ATF6: variants seen among roughly 807,000 people sequenced by gnomAD.
The protein encoded by ATF6 is cyclic AMP-dependent transcription factor ATF-6 alpha.
In ATF6, 53 loss-of-function variants were observed where a neutral mutation model predicts 83.6. The observed-to-expected ratio is 0.63, with a 90% CI of 0.51 to 0.80. The LOEUF is 0.80. Ranked by LOEUF, ATF6 falls within the 30% of genes least tolerant of loss-of-function variation. The probability of loss-of-function intolerance (pLI) is 0.00; values close to 1 mark genes in which losing one functional copy is unlikely to be tolerated. For synonymous variants in ATF6, 288 were observed against 285.8 expected (o/e 1.01, Z -0.08); for missense variants, 744 against 797.9 (o/e 0.93, Z 0.81).
At chr1:161,862,300 G>A (rs1265556461) in intron 13 of ATF6, among the ~76,000 whole-genome samples, 1 of 152,150 alleles carries the variant, frequency 6.6e-6, no homozygotes, top group African/African-American at 2.4e-5. Flanking sequence ...ATTTAGGTCA[G>A]TCTTTTTCTC....
chr1:161,821,101 G>T lies in ATF6; in HGVS notation c.1127G>T (p.Arg376Leu), dbSNP rs754973294. The change falls in exon 9 of 16, where the codon CGA (arginine) becomes CTA (leucine). Residue 376 changes from arginine (R) to leucine (L), a missense_variant. Coordinates refer to ENST00000367942, the MANE Select transcript of ATF6 (RefSeq NM_007348.4). Reference sequence around the variant, plus strand: ...AGGCTTAAAGTCCCTAGTCCAAAGCGAAGAGTTGTCTGTGTGATGATAGTA... The same window carrying T: ...AGGCTTAAAGTCCCTAGTCCAAAGCTAAGAGTTGTCTGTGTGATGATAGTA... ...NQRLKVPSPK[R>L]RVVCVMIVLA... 2 of 1,612,944 alleles carry T rather than the reference G, an allele frequency of 1.2e-6. No individual in the cohort carries two copies. The highest frequency in any genetic ancestry group is 1.7e-6 in the Non-Finnish European group (2 of 1,179,424).
chr1:161,875,491 A>G (rs1382043688), intron 14 of ATF6, among the ~76,000 whole-genome samples: 1 of 151,836 alleles, frequency 6.6e-6, no homozygotes, highest in African/African-American at 2.4e-5. Flanking sequence ...ATTCTTTAAT[A>G]CTATCACAAA....
chr1:161,806,399 TG>T (rs1685283780), intron 7 of ATF6, among the ~76,000 whole-genome samples: 1 of 152,256 alleles, frequency 6.6e-6, no homozygotes, highest in African/African-American at 2.4e-5. Flanking sequence ...GGAATTACAT[TG>T]TTTTAGTTAT....
intron 14 of ATF6, among the ~76,000 whole-genome samples, chr1:161,892,594 A>C (rs1388816692): frequency 1.4e-5 from 2 of 145,394 alleles, no homozygotes; most frequent in Admixed American, 6.8e-5. Flanking sequence ...AAAGTCCCTC[A>C]TTAGCATTTC....
rs1225823923 is a variant in ATF6 at position 161,959,626 on chromosome 1, C to T, written c.*972C>T. 2 of 143,898 alleles carry T rather than the reference C, an allele frequency of 1.4e-5. No homozygotes were observed. Among genetic ancestry groups the T allele is most frequent in the Non-Finnish European group, 3.0e-5 (2 of 66,852 alleles). 8.9% of individuals were successfully genotyped at this position (143,898 alleles called of 1,614,324 possible). On this transcript the variant is annotated 3_prime_UTR_variant, in exon 16 of 16. Coordinates refer to ENST00000367942, the MANE Select transcript of ATF6 (RefSeq NM_007348.4). Reference sequence around the variant, plus strand: ...CGGAGCTTGCAGTGAGCCGAGATCCCGCCACTGCACTCCAGCCTGGGCGAC... The same window carrying T: ...CGGAGCTTGCAGTGAGCCGAGATCCTGCCACTGCACTCCAGCCTGGGCGAC...
chr1:161,936,006 C>T (rs1450821007), intron 15 of ATF6, among the ~76,000 whole-genome samples: 1 of 152,194 alleles, frequency 6.6e-6, no homozygotes, highest in Non-Finnish European at 1.5e-5. Flanking sequence ...GCCGTCTTCA[C>T]GTGGTAGGCT....
chr1:161,877,278 A>C (rs182624837), intron 14 of ATF6, among the ~76,000 whole-genome samples: 104 of 152,276 alleles, frequency 6.8e-4, no homozygotes, highest in East Asian at 3.9e-4. Flanking sequence ...CTTATAGTTT[A>C]GTTGGTGCTA....
At chr1:161,782,804 A>ACTAGT (rs3075494) in intron 3 of ATF6, among the ~76,000 whole-genome samples, 1 of 151,828 alleles carries the variant, frequency 6.6e-6, no homozygotes, top group Non-Finnish European at 1.5e-5. Context: ...CGTTTGACAA[A>ACTAGT]CTAAATCTTA....
intron 15 of ATF6, among the ~76,000 whole-genome samples, chr1:161,929,426 C>G (rs1261954187): frequency 6.6e-6 from 1 of 152,168 alleles, no homozygotes; most frequent in Non-Finnish European, 1.5e-5. Flanking sequence ...CTAGGGCCAC[C>G]CTTCTTTCCA....
At chr1:161,948,942 A>G (rs759722899) in intron 15 of ATF6, among the ~76,000 whole-genome samples, 6 of 152,246 alleles carry the variant, frequency 3.9e-5, no homozygotes, top group African/African-American at 9.6e-5. Flanking sequence ...ACTGCTGACA[A>G]TGGAGAACAT....
intron 14 of ATF6, among the ~76,000 whole-genome samples, chr1:161,887,354 A>G (rs1199589381): frequency 6.6e-6 from 1 of 152,076 alleles, no homozygotes; most frequent in Non-Finnish European, 1.5e-5. Context: ...TGCTGGGATT[A>G]CAGGCTTGAG....
chr1:161,917,602 A>G (rs1378134076), intron 15 of ATF6, among the ~76,000 whole-genome samples: 1 of 151,942 alleles, frequency 6.6e-6, no homozygotes, highest in Non-Finnish European at 1.5e-5. Context: ...TTGTATTTTC[A>G]GTAGAGTTAG....
At chr1:161,785,387 T>A (rs1371050855) in intron 4 of ATF6, among the ~76,000 whole-genome samples, 1 of 152,228 alleles carries the variant, frequency 6.6e-6, no homozygotes, top group Non-Finnish European at 1.5e-5. Flanking sequence ...TCCAAATGAT[T>A]TAATTTTTTA....
At chr1:161,953,476 T>A (rs1044982276) in intron 15 of ATF6, among the ~76,000 whole-genome samples, 4 of 152,162 alleles carry the variant, frequency 2.6e-5, no homozygotes, top group Admixed American at 6.5e-5. Flanking sequence ...GCTCTCCCTA[T>A]CTGAATCCTC....
At chr1:161,857,706 A>G (rs1254619342) in intron 12 of ATF6, among the ~76,000 whole-genome samples, 1 of 152,122 alleles carries the variant, frequency 6.6e-6, no homozygotes, top group Non-Finnish European at 1.5e-5. Context: ...ATGTGTGTGT[A>G]TTTAAATGTC....
intron 15 of ATF6, among the ~76,000 whole-genome samples, chr1:161,914,511 G>C (rs1688051446): frequency 6.6e-6 from 1 of 151,922 alleles, no homozygotes; most frequent in African/African-American, 2.4e-5. Context: ...AGCCTTTTTT[G>C]ATCCAGTCAT....
intron 14 of ATF6, among the ~76,000 whole-genome samples, chr1:161,882,755 G>A (rs1231953988): frequency 2.6e-5 from 4 of 151,242 alleles, no homozygotes; most frequent in Non-Finnish European, 5.9e-5. Context: ...TTTGGAGTCA[G>A]ACAAATCTCG....
rs1431798976 is a variant in ATF6, at chr1:161,963,230, GT to G, written c.*4579del. 4 of 152,288 alleles carry G rather than the reference GT, an allele frequency of 2.6e-5. No homozygotes were observed. The highest frequency in any genetic ancestry group is 9.6e-5 in the African/African-American group (4 of 41,560). 9.4% of individuals were successfully genotyped at this position (152,288 alleles called of 1,614,324 possible). A position where few individuals can be genotyped will look rare whatever the true frequency, so the allele number is the denominator to read the frequency against. ...CTTTTTAATGACTAAGCTTTAAACA[GT>G]TTATTTTGGGTAAGACTAGAACTTT... is the stretch of plus-strand genomic sequence containing the variant. On this transcript the variant is annotated 3_prime_UTR_variant, in exon 16 of 16. Coordinates refer to ENST00000367942, the MANE Select transcript of ATF6 (RefSeq NM_007348.4).
At chr1:161,783,291 G>A (rs1337818632) in intron 3 of ATF6, among the ~76,000 whole-genome samples, 1 of 152,014 alleles carries the variant, frequency 6.6e-6, no homozygotes, top group Non-Finnish European at 1.5e-5. Flanking sequence ...CTTCTTGGTG[G>A]GAAAGTGGCA....
Sources: allele counts gnomAD v4.1 joint callset (sites outside exome capture counted in the v4.1 genomes callset), GRCh38; gene constraint gnomAD v4.1.1; transcripts MANE v1.5; gene names NCBI Gene and HGNC (gene_info 2026-07-23, HGNC 2026-07-21).